Variants in FGF12 observed in about 807,000 individuals in gnomAD.
FGF12 encodes the protein fibroblast growth factor 12B.
In FGF12, 14 loss-of-function variants were observed where a neutral mutation model predicts 23.6. That is an observed-to-expected ratio of 0.59 (90% CI 0.39 to 0.93). The LOEUF is 0.93. FGF12 is among the 40% of genes least tolerant of loss of function. The probability of loss-of-function intolerance (pLI) is 0.00; values close to 1 mark genes in which losing one functional copy is unlikely to be tolerated. For synonymous variants in FGF12, 62 were observed against 77.3 expected (o/e 0.80, Z 1.04); for missense variants, 175 against 217.8 (o/e 0.80, Z 1.24).
At chr3:192,333,169 C>G (rs1346009893) in intron 4 of FGF12, among the ~76,000 whole-genome samples, 8 of 152,066 alleles carry the variant, frequency 5.3e-5, no homozygotes, top group Admixed American at 5.2e-4. Context: ...TCCAAACTCC[C>G]TCCTTCCCTT....
chr3:192,419,012 C>T (rs1022956721), intron 2 of FGF12, among the ~76,000 whole-genome samples: 2 of 152,192 alleles, frequency 1.3e-5, no homozygotes, highest in Non-Finnish European at 2.9e-5. Context: ...CACAATAACC[C>T]TGGCAAGGCC....
intron 2 of FGF12, among the ~76,000 whole-genome samples, chr3:192,517,912 G>A (rs1251566965): frequency 1.3e-5 from 2 of 151,850 alleles, no homozygotes; most frequent in African/African-American, 4.8e-5. Flanking sequence ...GAAGTATCTT[G>A]AGCAATATAT....
At chr3:192,427,756 A>G (rs1423161980) in intron 2 of FGF12, among the ~76,000 whole-genome samples, 2 of 152,182 alleles carry the variant, frequency 1.3e-5, no homozygotes, top group African/African-American at 4.8e-5. Context: ...CTGAGAGAGC[A>G]TCAATGTCAC....
chr3:192,239,475 A>G (rs1438842023), intron 4 of FGF12, among the ~76,000 whole-genome samples: 2 of 152,196 alleles, frequency 1.3e-5, no homozygotes. Context: ...TAGCTCTTCA[A>G]GTGTGTGATG....
At chr3:192,713,371 T>C (rs1208897642) in intron 2 of FGF12, among the ~76,000 whole-genome samples, 2 of 152,050 alleles carry the variant, frequency 1.3e-5, no homozygotes, top group East Asian at 1.9e-4. Flanking sequence ...AAAGTGATTG[T>C]AGAGGAAAAA....
intron 4 of FGF12, among the ~76,000 whole-genome samples, chr3:192,217,711 G>C (rs1206143296): frequency 6.6e-6 from 1 of 152,158 alleles, no homozygotes; most frequent in Non-Finnish European, 1.5e-5. Context: ...TTTTGTAACG[G>C]TACACATGCA....
intron 2 of FGF12, among the ~76,000 whole-genome samples, chr3:192,422,375 C>T (rs187320840): frequency 3.9e-5 from 6 of 152,142 alleles, no homozygotes; most frequent in Admixed American, 1.3e-4. Context: ...TAGTGCTCAC[C>T]GACATCATAT....
intron 2 of FGF12, among the ~76,000 whole-genome samples, chr3:192,647,840 G>A (rs1273007877): frequency 6.6e-6 from 1 of 151,552 alleles, no homozygotes; most frequent in Non-Finnish European, 1.5e-5. Context: ...AAAATAAGAT[G>A]TGAATAAATG....
chr3:192,317,139 TC>T (rs1368378206), intron 4 of FGF12, among the ~76,000 whole-genome samples: 1 of 151,474 alleles, frequency 6.6e-6, no homozygotes, highest in Non-Finnish European at 1.5e-5. Flanking sequence ...TTCAAGGGTG[TC>T]CCAGCATATT....
intron 2 of FGF12, among the ~76,000 whole-genome samples, chr3:192,635,894 G>C (rs1715563693): frequency 6.6e-6 from 1 of 152,084 alleles, no homozygotes; most frequent in South Asian, 2.1e-4. Context: ...AGATCGTTTG[G>C]TCATCAAGTC....
intron 2 of FGF12, among the ~76,000 whole-genome samples, chr3:192,619,479 C>T (rs2108646459): frequency 6.6e-6 from 1 of 152,296 alleles, no homozygotes; most frequent in Admixed American, 6.5e-5. Flanking sequence ...TCTAGCCAAG[C>T]TTCCCCCGAG....
Position 192,480,881 on chromosome 3 carries a change from CAA to C in FGF12, c.14-120345_14-120344del, listed in dbSNP as rs578105683. ...CATTCACCCATTACTATTGATTGAT[CAA>C]AGTGTTTTCTTTGTCTGCATGCTGA... On this transcript the variant is annotated intron_variant, in intron 2 of 5. Coordinates refer to ENST00000445105, the MANE Select transcript of FGF12 (RefSeq NM_004113.6). Among the ~76,000 whole-genome samples, 1,098 of 152,272 alleles carry C rather than the reference CAA, an allele frequency of 7.2e-3. 10 individuals carry two copies. The highest frequency in any genetic ancestry group is 0.025 in the African/African-American group (1,058 of 41,552).
intron 2 of FGF12, among the ~76,000 whole-genome samples, chr3:192,510,725 T>C (rs1257216491): frequency 6.6e-6 from 1 of 152,218 alleles, no homozygotes; most frequent in Admixed American, 6.5e-5. Context: ...AGCCAAGATG[T>C]TCTTTAGTGG....
intron 4 of FGF12, among the ~76,000 whole-genome samples, chr3:192,267,349 G>A (rs1713144452): frequency 6.6e-6 from 1 of 152,102 alleles, no homozygotes; most frequent in African/African-American, 2.4e-5. Flanking sequence ...TATAGCTGCA[G>A]CCCCCGTCTA....
chr3:192,273,466 T>C (rs1435135792), intron 4 of FGF12, among the ~76,000 whole-genome samples: 1 of 152,192 alleles, frequency 6.6e-6, no homozygotes, highest in African/African-American at 2.4e-5. Flanking sequence ...AAGAGAGTCC[T>C]GCATGCTAGG....
intron 5 of FGF12, among the ~76,000 whole-genome samples, chr3:192,165,520 T>C (rs74499262): frequency 6.6e-5 from 2 of 30,478 alleles, no homozygotes; most frequent in African/African-American, 2.9e-4. Flanking sequence ...TGGTCCAATT[T>C]TTTTTTTTTT....
At chr3:192,379,494 G>GA (rs113027411) in intron 2 of FGF12, among the ~76,000 whole-genome samples, 7,836 of 149,398 alleles carry the variant, frequency 0.052, 678 homozygotes, top group African/African-American at 0.18. Context: ...ACAATAAAAG[G>GA]AAAAAAATAT....
At chr3:192,494,866 C>G (rs1018081067) in intron 2 of FGF12, among the ~76,000 whole-genome samples, 5 of 149,768 alleles carry the variant, frequency 3.3e-5, no homozygotes, top group Non-Finnish European at 7.4e-5. Context: ...ATATAAAATA[C>G]ATTTTTCTTT....
intron 4 of FGF12, among the ~76,000 whole-genome samples, chr3:192,324,158 C>T (rs6775115): frequency 0.05 from 7,538 of 151,784 alleles, 543 homozygotes; most frequent in African/African-American, 0.16. Context: ...ATGCCTACCA[C>T]GTGCCCACAA....
Sources: allele counts gnomAD v4.1 joint callset (sites outside exome capture counted in the v4.1 genomes callset), GRCh38; gene constraint gnomAD v4.1.1; transcripts MANE v1.5; gene names NCBI Gene and HGNC (gene_info 2026-07-23, HGNC 2026-07-21).